The following UGGT2 variants were observed in gnomAD, a reference collection of about 807,000 sequenced individuals.
The protein encoded by UGGT2 is UDP-glucose glycoprotein glucosyltransferase 2, also known as UDP-glucose:glycoprotein glucosyltransferase 2.
Under a neutral mutation model 192.1 loss-of-function variants are expected in UGGT2, and 180 were observed. The ratio of observed to expected loss-of-function variants is 0.94; its 90% CI spans 0.83 to 1.06. The LOEUF (loss-of-function observed/expected upper bound fraction) is 1.06. Ranked by LOEUF, UGGT2 falls within the 50% of genes least tolerant of loss-of-function variation. UGGT2 has a pLI of 0.00. For synonymous variants in UGGT2, 580 were observed against 591.0 expected, an observed-to-expected ratio of 0.98 and a Z score of 0.27; for missense variants, 1,849 against 1,795.7, an observed-to-expected ratio of 1.03 and a Z score of -0.54.
At chr13:96,013,666 G>C (rs2052237335) in intron 4 of UGGT2, among the ~76,000 whole-genome samples, 185 bp from the exon 5 acceptor site, 1 of 151,906 alleles carries the variant, frequency 6.6e-6, no homozygotes, top group Non-Finnish European at 1.5e-5. Flanking sequence ...AAAAGAATTT[G>C]GTTAACCCAA....
intron 1 of UGGT2, among the ~76,000 whole-genome samples, chr13:96,038,861 C>T (rs182322591): frequency 8.1e-4 from 123 of 152,236 alleles, no homozygotes; most frequent in Non-Finnish European, 1.5e-3. Context: ...ATGTAAATAT[C>T]GTCAACTTCA....
chr13:95,977,805 A>G (rs1419569806), intron 10 of UGGT2, among the ~76,000 whole-genome samples: 1 of 152,228 alleles, frequency 6.6e-6, no homozygotes, highest in African/African-American at 2.4e-5. Flanking sequence ...ATGCTCATCA[A>G]TGATAGACTG....
At chr13:96,008,390 G>T (rs537747189) in intron 5 of UGGT2, among the ~76,000 whole-genome samples, 10 of 152,274 alleles carry the variant, frequency 6.6e-5, no homozygotes, top group African/African-American at 2.4e-4. Context: ...GAGCAACCAG[G>T]CAAGAGAAAG....
At chr13:96,037,231 C>T (rs1031561697) in intron 1 of UGGT2, among the ~76,000 whole-genome samples, 18 of 152,194 alleles carry the variant, frequency 1.2e-4, no homozygotes, top group Middle Eastern at 3.2e-3. Flanking sequence ...CAGAGTCTTG[C>T]TCTGTCGCCC....
Position 95,856,312 on chromosome 13 carries a change from T to A in UGGT2, c.3854A>T (p.Tyr1285Phe), listed in dbSNP as rs35123499. ...KEVIPHMAKE[Y>F]GFRYELVQYR... ...TTGAACTAGTTCATATCGGAATCCATACTCTTTAGCCATGTGAGGAATTAC... is the reference window on the plus strand; with the variant it reads ...TTGAACTAGTTCATATCGGAATCCAAACTCTTTAGCCATGTGAGGAATTAC... The change falls in exon 34 of 39, where the codon TAT (tyrosine) becomes TTT (phenylalanine). Residue 1285 changes from tyrosine (Y) to phenylalanine (F), a missense_variant. By Grantham distance (22) the Tyr-to-Phe change is conservative. Transcript: ENST00000376747. 3.0e-3 allele frequency: 4,850 copies of A among 1,611,410 alleles called. 116 individuals are homozygous for A. In the African/African-American group the frequency reaches 0.058, roughly 19 times the overall value.
intron 17 of UGGT2, among the ~76,000 whole-genome samples, chr13:95,934,604 C>G (rs765092910): frequency 1.3e-5 from 2 of 152,190 alleles, no homozygotes; most frequent in African/African-American, 4.8e-5. Context: ...CAAGACTCAT[C>G]TGTCTGCTGT....
chr13:95,965,205 T>C (rs1464303714), intron 12 of UGGT2, among the ~76,000 whole-genome samples: 1 of 149,924 alleles, frequency 6.7e-6, no homozygotes, highest in Non-Finnish European at 1.5e-5. Context: ...GATCTAGAAC[T>C]AGAAATACCA....
chr13:95,929,639 G>A (rs746744849), intron 17 of UGGT2, among the ~76,000 whole-genome samples: 4 of 152,160 alleles, frequency 2.6e-5, no homozygotes, highest in Non-Finnish European at 4.4e-5. Context: ...TAATGGGTGC[G>A]TAGTATTCCA....
intron 1 of UGGT2, among the ~76,000 whole-genome samples, chr13:96,038,948 G>A (rs1286331664): frequency 6.6e-6 from 1 of 152,098 alleles, no homozygotes; most frequent in Non-Finnish European, 1.5e-5. Context: ...ATTCTCCCCT[G>A]TCCACCTGTG....
chr13:96,052,327 G>A (rs1364684771), intron 1 of UGGT2, among the ~76,000 whole-genome samples: 2 of 152,178 alleles, frequency 1.3e-5, no homozygotes, highest in Non-Finnish European at 2.9e-5. Flanking sequence ...GAAAGGTTGA[G>A]AAGGGAGTGA....
chr13:95,975,931 A>G (rs1203966122), intron 10 of UGGT2, among the ~76,000 whole-genome samples: 1 of 152,186 alleles, frequency 6.6e-6, no homozygotes, highest in Admixed American at 6.5e-5. Flanking sequence ...TGGGATATCC[A>G]TCATCTCAAA....
intron 5 of UGGT2, among the ~76,000 whole-genome samples, chr13:96,004,046 A>G (rs1002709940): frequency 7.2e-5 from 11 of 152,228 alleles, no homozygotes; most frequent in Admixed American, 6.5e-4. Flanking sequence ...CTACAATCAT[A>G]TATTACTGCT....
chr13:95,960,252 C>T (rs1303147604), intron 12 of UGGT2, among the ~76,000 whole-genome samples: 1 of 152,186 alleles, frequency 6.6e-6, no homozygotes, highest in Non-Finnish European at 1.5e-5. Context: ...ATCTAAAAGA[C>T]ATTTATGAAA....
At position 95,990,006 on chromosome 13, in the gene UGGT2, G is replaced by A. The variant is rs2140896156; in HGVS notation, c.898C>T (p.Gln300Ter). The A allele has an allele frequency of 1.9e-6, 3 of 1,606,840 alleles. No individual in the cohort carries two copies. The highest frequency in any genetic ancestry group is 4.5e-5 in the East Asian group (2 of 44,536). Residue 300 changes from glutamine (Q) to a stop codon, truncating the protein, a stop_gained, in exon 8 of 39, where the codon CAA becomes TAA. Coordinates refer to ENST00000376747, the MANE Select transcript of UGGT2 (RefSeq NM_020121.4). LOFTEE classifies it high-confidence loss of function. The stretch of plus-strand genomic sequence containing the variant: ...TCCCAGACTTTCAAAGGCATCATTT[G>A]TTTGTTACTCTCAATCAGGTATTTT... Reference protein sequence around the residue: ...FQKYLIESNKQMMPLKVWELQ... With the variant: ...FQKYLIESNK
intron 29 of UGGT2, among the ~76,000 whole-genome samples, chr13:95,870,362 CAG>C (rs1234855605): frequency 1.3e-5 from 2 of 152,190 alleles, no homozygotes; most frequent in Non-Finnish European, 2.9e-5. Context: ...TTCTGCTAAA[CAG>C]ATAGATACAT....
At chr13:95,980,425 T>G (rs2051080885) in intron 10 of UGGT2, among the ~76,000 whole-genome samples, 1 of 151,580 alleles carries the variant, frequency 6.6e-6, no homozygotes, top group African/African-American at 2.4e-5. Context: ...GACATAAGAA[T>G]GATACATTGG....
intron 29 of UGGT2, chr13:95,876,813 G>GT (rs1410158267): frequency 2.0e-5 from 3 of 151,658 alleles, no homozygotes; most frequent in African/African-American, 4.9e-5. Flanking sequence ...TTCTGCATGG[G>GT]TATGAGCACC....
chr13:96,017,717 A>G (rs1194825236), intron 4 of UGGT2, among the ~76,000 whole-genome samples: 1 of 152,246 alleles, frequency 6.6e-6, no homozygotes, highest in African/African-American at 2.4e-5. Context: ...GCATTAAAAA[A>G]GAACATATAC....
intron 33 of UGGT2, chr13:95,856,773 A>AT: frequency 3.2e-6 from 1 of 316,350 alleles, no homozygotes. Context: ...AAAACACAAA[A>AT]TAAGTTCTAA....
Sources: gnomAD v4.1 joint callset for allele counts (sites outside exome capture counted in the v4.1 genomes callset) on GRCh38, gnomAD v4.1.1 for gene constraint, MANE v1.5 for transcripts, NCBI Gene and HGNC (gene_info 2026-07-23, HGNC 2026-07-21) for gene names.